KLC4: variants seen among roughly 807,000 people sequenced by gnomAD.
The protein encoded by KLC4 is kinesin-like protein 8.
Under a neutral mutation model 77.2 loss-of-function variants are expected in KLC4, and 49 were observed. The observed-to-expected ratio is 0.63, with a 90% CI of 0.50 to 0.80. KLC4 has a LOEUF of 0.80. Ranked by LOEUF, KLC4 falls within the 30% of genes least tolerant of loss-of-function variation. KLC4 has a pLI of 0.00. For missense variants in KLC4, 669 were observed against 793.5 expected (o/e 0.84, Z 1.89); for synonymous variants, 274 against 314.5 (o/e 0.87, Z 1.36).
At chr6:43,066,938 A>C in intron 5 of KLC4, 58 bp from the exon 6 acceptor site, 1 of 1,576,156 alleles carries the variant, frequency 6.3e-7, no homozygotes, top group Middle Eastern at 1.7e-4. Flanking sequence ...AAAGGGAAGG[A>C]GGGAAGGAGA....
At position 43,068,143 on chromosome 6, in the gene KLC4, A is replaced by AATATAGG. The variant is rs1278605558; in HGVS notation, c.879+1061_879+1067dup. On this transcript the variant is annotated intron_variant, in intron 6 of 15. Coordinates refer to ENST00000347162, the MANE Select transcript of KLC4 (RefSeq NM_201521.3). ...AAAAAAAAAAAAAAAAAAAAAAGAA[A>AATATAGG]ATATAGGTGGACACTTTATTAAAGT... Among the ~76,000 whole-genome samples the AATATAGG allele has an allele frequency of 5.8e-4, 86 of 147,790 alleles. 2 individuals carry two copies. In the South Asian group the frequency reaches 0.018, roughly 31 times the overall value.
In KLC4 at chr6:43,066,981, TTTGTC is replaced by T; in HGVS notation, c.792-12_792-8del. The T allele has an allele frequency of 6.2e-7, 1 of 1,606,758 alleles. No homozygotes were observed. Among genetic ancestry groups the T allele is most frequent in the Non-Finnish European group, 8.5e-7 (1 of 1,174,170 alleles). ...CGGGTTCAGGGTAACTCCTGTCACT[TTTGTC>T]TTCTTCCAGTGACCAGAATAAGTAT... On this transcript the variant is annotated splice_polypyrimidine_tract_variant and intron_variant, in intron 5 of 15. Coordinates refer to ENST00000347162, the MANE Select transcript of KLC4 (RefSeq NM_201521.3).
intron 8 of KLC4, 25 bp from the exon 9 acceptor site, chr6:43,071,250 G>A: frequency 1.8e-6 from 2 of 1,114,212 alleles, no homozygotes; most frequent in Non-Finnish European, 2.7e-6. Context: ...TTTTGTTCCT[G>A]TATTTTTGCC....
intron 4 of KLC4, 88 bp downstream of exon 4, chr6:43,065,789 C>A: frequency 1.1e-6 from 1 of 869,592 alleles, no homozygotes; most frequent in South Asian, 1.4e-5. Context: ...GGACAGTCAC[C>A]ATCTAGAAAT....
intron 5 of KLC4, 90 bp downstream of exon 5, chr6:43,066,615 A>G: frequency 1.7e-6 from 2 of 1,149,468 alleles, no homozygotes; most frequent in Non-Finnish European, 2.5e-6. Context: ...TTTACAGGGT[A>G]CCTCTCCTCC....
rs767090972 is a variant in KLC4, at chr6:43,074,629, G to A, written c.1817G>A (p.Arg606Gln). The change falls in exon 16 of 16, where the codon CGG becomes CAG. Residue 606 changes from arginine to glutamine, a missense_variant. Coordinates refer to ENST00000347162, the MANE Select transcript of KLC4 (RefSeq NM_201521.3). ...QPSAAPLQVS[R>Q]GLSASTMDLS... ...TAGTGTTGTCTGTTTCAGGTCTCCC[G>A]GGGCCTCAGTGCCAGCACCATGGAC... 12 of 1,613,792 alleles carry A rather than the reference G, an allele frequency of 7.4e-6. No individual in the cohort carries two copies. Among genetic ancestry groups the A allele is most frequent in the African/African-American group, 2.7e-5 (2 of 74,870 alleles).
chr6:43,074,631 G>A lies in KLC4; in HGVS notation c.1819G>A (p.Gly607Ser), dbSNP rs957107825. ...GTGTTGTCTGTTTCAGGTCTCCCGG[G>A]GCCTCAGTGCCAGCACCATGGACCT... The part of the protein sequence containing the change: ...PSAAPLQVSR[G>S]LSASTMDLSS... Residue 607 changes from glycine (G) to serine (S), a missense_variant, in exon 16 of 16, where the codon GGC becomes AGC. Gly to Ser is a moderately conservative substitution (Grantham distance 56). Coordinates refer to ENST00000347162, the MANE Select transcript of KLC4 (RefSeq NM_201521.3). 1 of 1,613,980 alleles carries A rather than the reference G, an allele frequency of 6.2e-7. No homozygotes were observed. Among genetic ancestry groups the A allele is most frequent in the African/African-American group, 1.3e-5 (1 of 74,886 alleles).
At position 43,070,741 on chromosome 6, in the gene KLC4, C is replaced by T. The variant is rs777220869; in HGVS notation, c.1031C>T (p.Ala344Val). Reference protein sequence around the residue: ...PDVAKQLNNLALLCQNQGKYE... With the variant: ...PDVAKQLNNLVLLCQNQGKYE... ...GTGGCAAAACAGCTGAACAACCTGGCCCTCTTGTGCCAAAACCAGGGCAAG... is the reference window on the plus strand; with the variant it reads ...GTGGCAAAACAGCTGAACAACCTGGTCCTCTTGTGCCAAAACCAGGGCAAG... Residue 344 changes from alanine (A) to valine (V), a missense_variant, in exon 8 of 16, where the codon GCC becomes GTC. Transcript: ENST00000347162. 11 of 1,613,938 alleles carry T rather than the reference C, an allele frequency of 6.8e-6. No individual in the cohort carries two copies. The highest frequency in any genetic ancestry group is 9.3e-6 in the Non-Finnish European group (11 of 1,179,926).
chr6:43,061,199 A>G, intron 1 of KLC4, 112 bp from the exon 2 acceptor site: 1 of 1,121,152 alleles, frequency 8.9e-7, no homozygotes, highest in Non-Finnish European at 1.3e-6. Context: ...GCTAAGCCAC[A>G]GGGTCACTCT....
At chr6:43,070,933 G>GCCCCCCC in intron 8 of KLC4, 68 bp downstream of exon 8, 1 of 360,518 alleles carries the variant, frequency 2.8e-6, no homozygotes, top group East Asian at 7.4e-5. Flanking sequence ...GGGAGGGGGG[G>GCCCCCCC]CAGGCGGAGA....
intron 6 of KLC4, among the ~76,000 whole-genome samples, chr6:43,069,286 C>T (rs1019235604): frequency 6.6e-6 from 1 of 152,084 alleles, no homozygotes; most frequent in African/African-American, 2.4e-5. Flanking sequence ...GCAGTGTCAC[C>T]CAGCCTATAG....
intron 1 of KLC4, chr6:43,060,591 C>T (rs2150349168): frequency 8.3e-7 from 1 of 1,209,422 alleles, no homozygotes; most frequent in African/African-American, 1.6e-5. Flanking sequence ...GCCAGGGCCT[C>T]TGCTCTGTAC....
chr6:43,072,332 T>C, intron 12 of KLC4, 77 bp downstream of exon 12: 1 of 1,091,214 alleles, frequency 9.2e-7, no homozygotes, highest in Non-Finnish European at 1.4e-6. Flanking sequence ...TTCTTGGGAG[T>C]CTCCTAAGAA....
At chr6:43,072,054 C>T in intron 11 of KLC4, 93 bp from the exon 12 acceptor site, 1 of 1,412,802 alleles carries the variant, frequency 7.1e-7, no homozygotes, top group Non-Finnish European at 1.0e-6. Context: ...CTCCTATTTT[C>T]TTATTTTTTT....
chr6:43,069,594 G>A (rs1190056536), intron 6 of KLC4, among the ~76,000 whole-genome samples: 1 of 151,590 alleles, frequency 6.6e-6, no homozygotes, highest in African/African-American at 2.4e-5. Flanking sequence ...TTGTTGCCAG[G>A]CTAGAGTGCA....
chr6:43,066,570 C>A, intron 5 of KLC4, 45 bp downstream of exon 5: 2 of 1,527,266 alleles, frequency 1.3e-6, no homozygotes, highest in Non-Finnish European at 1.8e-6. Flanking sequence ...CCCCACATTC[C>A]CACCTTGGTC....
intron 13 of KLC4, 44 bp downstream of exon 13, chr6:43,073,008 C>A: frequency 6.5e-7 from 1 of 1,544,704 alleles, no homozygotes; most frequent in South Asian, 1.3e-5. Flanking sequence ...CCCACTCCTG[C>A]TGGTGGTGGT....
chr6:43,072,717 C>A, intron 12 of KLC4, 107 bp from the exon 13 acceptor site: 2 of 1,069,108 alleles, frequency 1.9e-6, no homozygotes, highest in Non-Finnish European at 2.7e-6. Flanking sequence ...TGAGACATCA[C>A]AAGGAAAAAT....
chr6:43,072,706 C>T, intron 12 of KLC4, 118 bp from the exon 13 acceptor site: 1 of 905,062 alleles, frequency 1.1e-6, no homozygotes, highest in Non-Finnish European at 1.7e-6. Flanking sequence ...TAGGTATAAA[C>T]TGAGACATCA....
Sources: allele counts gnomAD v4.1 joint callset (sites outside exome capture counted in the v4.1 genomes callset), GRCh38; gene constraint gnomAD v4.1.1; transcripts MANE v1.5; gene names NCBI Gene and HGNC (gene_info 2026-07-23, HGNC 2026-07-21).